The following DLGAP2 variants were observed in gnomAD, a reference collection of about 807,000 sequenced individuals.
The protein encoded by DLGAP2 is DLG associated protein 2.
Under a neutral mutation model 100.3 loss-of-function variants are expected in DLGAP2, and 26 were observed. That is an observed-to-expected ratio of 0.26 (90% CI 0.19 to 0.36). The LOEUF is 0.36. DLGAP2 is among the 10% of genes least tolerant of loss of function. The pLI, the probability that DLGAP2 is intolerant of heterozygous loss-of-function variation, is 1.00. For synonymous variants in DLGAP2, 886 were observed against 630.1 expected (o/e 1.41, Z -6.08); for missense variants, 1,858 against 1,453.2 (o/e 1.28, Z -4.53).
chr8:1,158,583 G>T (rs190071712), intron 2 of DLGAP2, among the ~76,000 whole-genome samples: 8 of 152,338 alleles, frequency 5.3e-5, no homozygotes, highest in Non-Finnish European at 1.0e-4. Flanking sequence ...CATGGCTTTG[G>T]ACGATACCTG....
chr8:1,667,205 G>A (rs1016345525), intron 8 of DLGAP2, among the ~76,000 whole-genome samples: 23 of 152,212 alleles, frequency 1.5e-4, no homozygotes, highest in Admixed American at 2.6e-4. Context: ...CCTGTTGAGG[G>A]AGAGTGTTAG....
chr8:1,656,579 C>G (rs904147978), intron 8 of DLGAP2, among the ~76,000 whole-genome samples: 1 of 152,170 alleles, frequency 6.6e-6, no homozygotes, highest in South Asian at 2.1e-4. Flanking sequence ...GAGGTGGGCT[C>G]AATTCCAGAT....
intron 2 of DLGAP2, among the ~76,000 whole-genome samples, chr8:1,220,618 A>C (rs1369437571): frequency 6.6e-6 from 1 of 152,140 alleles, no homozygotes; most frequent in Non-Finnish European, 1.5e-5. Context: ...TATTAGGTCT[A>C]TTTGGTCAAG....
At chr8:830,894 CTTTTTTT>C (rs5888818) in intron 1 of DLGAP2, among the ~76,000 whole-genome samples, 1 of 110,648 alleles carries the variant, frequency 9.0e-6, no homozygotes, top group Admixed American at 9.2e-5. Context: ...TCAGCTGTGA[CTTTTTTT>C]TTTTTTTTTT....
intron 3 of DLGAP2, among the ~76,000 whole-genome samples, chr8:1,424,417 T>G (rs904180374): frequency 3.9e-5 from 6 of 152,222 alleles, no homozygotes; most frequent in South Asian, 4.1e-4. Flanking sequence ...GGGGTGGTTG[T>G]GATTTCCAAA....
chr8:1,296,032 T>C (rs1800164213), intron 3 of DLGAP2: 1 of 152,108 alleles, frequency 6.6e-6, no homozygotes, highest in Non-Finnish European at 1.5e-5. Flanking sequence ...TCCCCGGAAG[T>C]GTGTCTGCCA....
intron 2 of DLGAP2, among the ~76,000 whole-genome samples, chr8:1,239,280 G>C (rs1430112637): frequency 2.0e-4 from 1 of 5,016 alleles, no homozygotes; most frequent in Non-Finnish European, 3.9e-4. Flanking sequence ...GTCTAGTTCT[G>C]TCACATGGCG....
intron 3 of DLGAP2, among the ~76,000 whole-genome samples, chr8:1,418,503 G>A (rs1467821334): frequency 2.6e-5 from 4 of 152,196 alleles, no homozygotes; most frequent in Non-Finnish European, 5.9e-5. Flanking sequence ...CCAAACCCAC[G>A]ATTTATGTCT....
At chr8:1,234,402 G>C (rs149176319) in intron 2 of DLGAP2, among the ~76,000 whole-genome samples, 1 of 152,132 alleles carries the variant, frequency 6.6e-6, no homozygotes, top group Non-Finnish European at 1.5e-5. Flanking sequence ...GCATCACCCC[G>C]ATCCTCACAT....
chr8:1,243,516 A>G (rs1171276492), intron 2 of DLGAP2, among the ~76,000 whole-genome samples: 1 of 152,084 alleles, frequency 6.6e-6, no homozygotes, highest in East Asian at 1.9e-4. Flanking sequence ...TTCTGTTGTC[A>G]TTTCATGTTA....
At chr8:998,341 C>T (rs1003707910) in intron 2 of DLGAP2, among the ~76,000 whole-genome samples, 10 of 152,204 alleles carry the variant, frequency 6.6e-5, no homozygotes, top group African/African-American at 2.4e-4. Flanking sequence ...TGCTCTGTCA[C>T]CCAGGCTGGA....
Position 1,423,717 on chromosome 8 carries a change from A to G in DLGAP2, c.107-77649A>G, listed in dbSNP as rs183226554. ...GCTAACACCATTGACAGAGTGTGCA[A>G]GAGCACTCCAAGGGAGAGAGGCGGG... On this transcript the variant is annotated intron_variant, in intron 3 of 14. Transcript: ENST00000637795. Among the ~76,000 whole-genome samples the G allele has an allele frequency of 1.3e-3, 194 of 152,318 alleles. 2 individuals carry two copies. The highest frequency in any genetic ancestry group is 4.5e-3 in the African/African-American group (187 of 41,558).
At chr8:940,170 G>GT (rs776034485) in intron 2 of DLGAP2, among the ~76,000 whole-genome samples, 14 of 152,034 alleles carry the variant, frequency 9.2e-5, no homozygotes, top group Non-Finnish European at 1.6e-4. Flanking sequence ...GTTTTACTAC[G>GT]TATTTGATGA....
At chr8:1,119,535 G>C (rs1795986680) in intron 2 of DLGAP2, among the ~76,000 whole-genome samples, 1 of 152,192 alleles carries the variant, frequency 6.6e-6, no homozygotes, top group Non-Finnish European at 1.5e-5. Context: ...AGCAGATCGG[G>C]GTAGCAGGGG....
chr8:1,493,206 G>A (rs1799443642), intron 3 of DLGAP2, among the ~76,000 whole-genome samples: 2 of 152,272 alleles, frequency 1.3e-5, no homozygotes, highest in Admixed American at 6.5e-5. Flanking sequence ...CTTCATCTCC[G>A]CAGCTCTGAG....
chr8:830,966 G>C (rs1796771214), intron 1 of DLGAP2, among the ~76,000 whole-genome samples: 1 of 148,112 alleles, frequency 6.8e-6, no homozygotes, highest in East Asian at 2.0e-4. Flanking sequence ...CACAATCTCA[G>C]CTCACTGCAA....
chr8:1,479,043 C>T (rs887258389), intron 3 of DLGAP2, among the ~76,000 whole-genome samples: 2 of 152,238 alleles, frequency 1.3e-5, no homozygotes, highest in Admixed American at 1.3e-4. Flanking sequence ...GAAAGGAGCA[C>T]CTGCTTCCAG....
chr8:982,627 T>C (rs1054767217), intron 2 of DLGAP2, among the ~76,000 whole-genome samples: 1 of 152,198 alleles, frequency 6.6e-6, no homozygotes, highest in Non-Finnish European at 1.5e-5. Flanking sequence ...TTCTTTGCTA[T>C]AAAATAAAAT....
chr8:802,242 C>A (rs896435965), intron 1 of DLGAP2, among the ~76,000 whole-genome samples: 1 of 151,256 alleles, frequency 6.6e-6, no homozygotes, highest in Non-Finnish European at 1.5e-5. Flanking sequence ...GAATGGTCTG[C>A]ACTCCTCCTG....
Sources: gnomAD v4.1 joint callset for allele counts (sites outside exome capture counted in the v4.1 genomes callset) on GRCh38, gnomAD v4.1.1 for gene constraint, MANE v1.5 for transcripts, NCBI Gene and HGNC (gene_info 2026-07-23, HGNC 2026-07-21) for gene names.